AMZ2: variants seen among roughly 807,000 people sequenced by gnomAD.
The protein encoded by AMZ2 is archaemetzincin-2.
In AMZ2, 26 loss-of-function variants were observed where a neutral mutation model predicts 36.7. The observed-to-expected ratio is 0.71, with a 90% CI of 0.52 to 0.98. The LOEUF is 0.98. Among genes scored for constraint, AMZ2 ranks in the 50% least tolerant of loss-of-function variants. AMZ2 has a pLI of 0.00. For synonymous variants in AMZ2, 144 were observed against 149.1 expected (o/e 0.97, Z 0.25); for missense variants, 394 against 430.5 (o/e 0.92, Z 0.75).
At position 68,254,491 on chromosome 17, in the gene AMZ2, C is replaced by A. The variant is rs1555741671; in HGVS notation, c.674C>A (p.Ser225Tyr). The change falls in exon 5 of 7, where the codon TCT (serine) becomes TAT (tyrosine). Residue 225 changes from serine to tyrosine, a missense_variant. Physicochemically the swap from Ser to Tyr is moderately radical, Grantham distance 144 (BLOSUM62 -2). Coordinates refer to ENST00000359904, the MANE Select transcript of AMZ2 (RefSeq NM_016627.5). ...AAAGTGAAGAAGCTCAAGAAAACAT[C>A]TTCAAGTGACTATTCAATTTTCGAC... ...KGKVKKLKKT[S>Y]SSDYSIFDNY... 6.2e-7 allele frequency: 1 copy of A among 1,613,434 alleles called. No individual in the cohort carries two copies. The highest frequency in any genetic ancestry group is 1.7e-5 in the Admixed American group (1 of 60,022).
chr17:68,227,093 A>G (rs1463932305), intron 1 of AMZ2, among the ~76,000 whole-genome samples: 1 of 151,742 alleles, frequency 6.6e-6, no homozygotes, highest in East Asian at 1.9e-4. Flanking sequence ...TTGTGTACAT[A>G]ATAACATTTT....
At chr17:68,216,783 C>A (rs1430879758) in intron 1 of AMZ2, among the ~76,000 whole-genome samples, 2 of 152,168 alleles carry the variant, frequency 1.3e-5, no homozygotes, top group African/African-American at 4.8e-5. Flanking sequence ...GTAATCCCAG[C>A]ACTTCGGGAG....
intron 1 of AMZ2, among the ~76,000 whole-genome samples, chr17:68,217,286 T>C (rs186552280): frequency 1.1e-4 from 17 of 152,360 alleles, no homozygotes; most frequent in Non-Finnish European, 2.2e-4. Flanking sequence ...ATTCTGTTTT[T>C]CTTAGTGGAA....
rs572730144 is a variant in AMZ2 at position 68,208,576 on chromosome 17, G to GAATA, written c.-67+2341_-67+2344dup. Among the ~76,000 whole-genome samples, 383 of 152,286 alleles carry GAATA rather than the reference G, an allele frequency of 2.5e-3. 4 individuals carry two copies. Among genetic ancestry groups the GAATA allele is most frequent in the Middle Eastern group, 0.014 (4 of 294 alleles). On this transcript the variant is annotated intron_variant, in intron 1 of 7. Coordinates refer to the AMZ2 transcript ENST00000674770. ...CAGGATTTTGAGTGGGGCCTGATAA[G>GAATA]AATAAAAGCAGGCTGCCCCAGCCAG...
chr17:68,251,267 A>G (rs1365156854), intron 4 of AMZ2, 89 bp downstream of exon 4: 120 of 1,374,798 alleles, frequency 8.7e-5, no homozygotes, highest in Non-Finnish European at 1.1e-4. Flanking sequence ...CCAACCAAGA[A>G]TCATATTGAT....
chr17:68,206,378 A>G, intron 1 of AMZ2: 1 of 910,954 alleles, frequency 1.1e-6, no homozygotes, highest in Non-Finnish European at 1.4e-6. Context: ...ATGCGAGGGC[A>G]CATCAAGTGG....
At chr17:68,234,983 C>G (rs1219626083) in intron 1 of AMZ2, among the ~76,000 whole-genome samples, 2 of 151,650 alleles carry the variant, frequency 1.3e-5, no homozygotes, top group African/African-American at 4.9e-5. Context: ...CCATTGCACT[C>G]CAGCCTGGGC....
upstream of AMZ2, among the ~76,000 whole-genome samples, chr17:68,246,170 C>G (rs1168125814): frequency 8.2e-6 from 1 of 122,572 alleles, no homozygotes; most frequent in Non-Finnish European, 1.6e-5. Flanking sequence ...GCTAACATGA[C>G]GAAACCCTGT....
At chr17:68,243,179 G>C (rs1339324537), upstream of AMZ2, among the ~76,000 whole-genome samples, 1 of 150,918 alleles carries the variant, frequency 6.6e-6, no homozygotes, top group East Asian at 2.0e-4. Context: ...CTGTCACCCA[G>C]GCTGGAGTGT....
At chr17:68,246,195 C>CAAAAAAA (rs57477453), upstream of AMZ2, among the ~76,000 whole-genome samples, 569 of 83,786 alleles carry the variant, frequency 6.8e-3, 9 homozygotes, top group Middle Eastern at 0.023. Context: ...ACTAAAAATA[C>CAAAAAAA]AAAAAAAAAA....
At chr17:68,228,202 T>C (rs144728017) in intron 1 of AMZ2, among the ~76,000 whole-genome samples, 33 of 152,188 alleles carry the variant, frequency 2.2e-4, no homozygotes, top group African/African-American at 7.5e-4. Context: ...ACCATCCTCC[T>C]CAGAACTATC....
intron 1 of AMZ2, 61 bp from the exon 2 acceptor site, chr17:68,250,127 A>G (rs2074334518): frequency 2.6e-6 from 4 of 1,518,720 alleles, no homozygotes; most frequent in Non-Finnish European, 2.7e-6. Context: ...TATAGAGGAT[A>G]GGTAAAGTCC....
chr17:68,242,900 C>A (rs373097451), intron 1 of AMZ2, among the ~76,000 whole-genome samples: 1 of 151,868 alleles, frequency 6.6e-6, no homozygotes, highest in South Asian at 2.1e-4. Context: ...AAACATTAGC[C>A]AGGTGTGATG....
At chr17:68,212,078 A>T (rs2073082339) in intron 1 of AMZ2, among the ~76,000 whole-genome samples, 1 of 152,096 alleles carries the variant, frequency 6.6e-6, no homozygotes, top group African/African-American at 2.4e-5. Flanking sequence ...TTTAAAACTT[A>T]ACATGTTTTT....
At chr17:68,222,290 C>T (rs1215501210) in intron 1 of AMZ2, among the ~76,000 whole-genome samples, 1 of 152,146 alleles carries the variant, frequency 6.6e-6, no homozygotes, top group Non-Finnish European at 1.5e-5. Context: ...GCTGGATCTA[C>T]AGGTCTCAAG....
At chr17:68,228,929 G>A (rs550326897) in intron 1 of AMZ2, among the ~76,000 whole-genome samples, 11 of 152,354 alleles carry the variant, frequency 7.2e-5, no homozygotes, top group East Asian at 5.8e-4. Flanking sequence ...TCCTGGCCCC[G>A]TCAAGAGCTT....
chr17:68,228,810 C>T (rs1359851903), intron 1 of AMZ2, among the ~76,000 whole-genome samples: 2 of 152,270 alleles, frequency 1.3e-5, no homozygotes, highest in Non-Finnish European at 2.9e-5. Flanking sequence ...ACCTGCTCCT[C>T]CTGCCTGCTA....
At chr17:68,218,081 G>A (rs551603723) in intron 1 of AMZ2, among the ~76,000 whole-genome samples, 11 of 151,666 alleles carry the variant, frequency 7.3e-5, no homozygotes, top group Admixed American at 3.9e-4. Context: ...CAAAGTGCTG[G>A]GATTACAGGC....
rs1455211138 is a variant in AMZ2 at position 68,248,054 on chromosome 17, A to G, written c.-652A>G. 28 of 986,178 alleles carry G rather than the reference A, an allele frequency of 2.8e-5. No individual in the cohort carries two copies. In the East Asian group the frequency reaches 3.4e-4, roughly 12 times the overall value. 61.1% of individuals were successfully genotyped at this position (986,178 alleles called of 1,614,324 possible). A position where few individuals can be genotyped will look rare whatever the true frequency, so the allele number is the denominator to read the frequency against. On this transcript the variant is annotated 5_prime_UTR_variant, in exon 1 of 7. Transcript: ENST00000359904. ...GCGTGGCGTGGCGCAGTGCGAAGGGACGCGGTGCGCATGCGCGTGAGGGCT... is the reference window on the plus strand; with the variant it reads ...GCGTGGCGTGGCGCAGTGCGAAGGGGCGCGGTGCGCATGCGCGTGAGGGCT...
Sources: gnomAD v4.1 joint callset for allele counts (sites outside exome capture counted in the v4.1 genomes callset) on GRCh38, gnomAD v4.1.1 for gene constraint, MANE v1.5 for transcripts, NCBI Gene and HGNC (gene_info 2026-07-23, HGNC 2026-07-21) for gene names.